The following DPF3 variants were observed in gnomAD, a reference collection of about 807,000 sequenced individuals.
DPF3 encodes zinc finger protein DPF3.
DPF3 carries 18 observed loss-of-function variants against 56.8 expected under a neutral mutation model. The observed-to-expected ratio is 0.32, with a 90% CI of 0.22 to 0.47. The LOEUF (loss-of-function observed/expected upper bound fraction) is 0.47. DPF3 is among the 20% of genes least tolerant of loss of function. DPF3 has a pLI of 1.00. For missense variants in DPF3, 403 were observed against 488.8 expected (o/e 0.82, Z 1.65); for synonymous variants, 188 against 180.2 (o/e 1.04, Z -0.35).
chr14:72,891,756 G>A (rs1886761770), intron 1 of DPF3, among the ~76,000 whole-genome samples: 3 of 152,158 alleles, frequency 2.0e-5, no homozygotes, highest in Middle Eastern at 3.4e-3. Context: ...GAAAGGGTCT[G>A]GGAAGCAGAA....
chr14:72,704,273 T>C (rs7140455), intron 6 of DPF3, among the ~76,000 whole-genome samples: 62,364 of 152,122 alleles, frequency 0.41, 14,008 homozygotes, highest in Non-Finnish European at 0.52. Context: ...CTGAATTCTC[T>C]TTTCAATTGT....
At chr14:72,667,590 T>C (rs866591728) in intron 8 of DPF3, among the ~76,000 whole-genome samples, 42 of 152,222 alleles carry the variant, frequency 2.8e-4, no homozygotes, top group African/African-American at 1.0e-3. Flanking sequence ...TGTTGACTGT[T>C]CACACAGCTC....
chr14:72,795,761 C>T (rs1314265809), intron 1 of DPF3, among the ~76,000 whole-genome samples: 3 of 152,156 alleles, frequency 2.0e-5, no homozygotes, highest in African/African-American at 7.2e-5. Flanking sequence ...GATCTAGAGA[C>T]ATGATCAAAA....
At chr14:72,819,753 A>G (rs893951880) in intron 1 of DPF3, among the ~76,000 whole-genome samples, 7 of 152,078 alleles carry the variant, frequency 4.6e-5, no homozygotes, top group African/African-American at 1.4e-4. Flanking sequence ...CCTGGGCAAC[A>G]TGGGAAAACC....
chr14:72,881,447 A>C (rs1259003059), intron 1 of DPF3, among the ~76,000 whole-genome samples: 1 of 152,128 alleles, frequency 6.6e-6, no homozygotes. Context: ...TAAGGCCAAC[A>C]CTGGGTATTC....
At chr14:72,857,791 G>A (rs1003839403) in intron 1 of DPF3, among the ~76,000 whole-genome samples, 1 of 152,044 alleles carries the variant, frequency 6.6e-6, no homozygotes, top group South Asian at 2.1e-4. Flanking sequence ...GTTTCACCAT[G>A]TTGGCCAGGA....
intron 7 of DPF3, among the ~76,000 whole-genome samples, chr14:72,686,884 A>C (rs1405702161): frequency 6.6e-6 from 1 of 152,152 alleles, no homozygotes. Flanking sequence ...TAAAATTTCT[A>C]AGCTTGTTTC....
At position 72,611,590 on chromosome 14, in the gene DPF3, G is replaced by C. The variant is rs536831985; in HGVS notation, c.*7707C>G. 2.6e-4 allele frequency among the ~76,000 whole-genome samples: 39 copies of C among 152,188 alleles called. No homozygotes were observed. The highest frequency in any genetic ancestry group is 8.4e-4 in the African/African-American group (35 of 41,524). On this transcript the variant is annotated 3_prime_UTR_variant, in exon 11 of 11. Transcript: ENST00000556509. ...GGGGTCATTTTCTGCCTCTGATCAG[G>C]CCCTGCCAGTTGCACCTCCCTGCCT...
At chr14:72,769,755 A>G (rs1356041533) in intron 2 of DPF3, among the ~76,000 whole-genome samples, 1 of 151,808 alleles carries the variant, frequency 6.6e-6, no homozygotes, top group Non-Finnish European at 1.5e-5. Context: ...GATAAGCCTC[A>G]TAAGAATAAT....
intron 3 of DPF3, among the ~76,000 whole-genome samples, chr14:72,735,533 A>G: frequency 6.6e-6 from 1 of 152,260 alleles, no homozygotes; most frequent in East Asian, 1.9e-4. Context: ...AAATGGAAAA[A>G]GCAAGAAGGG....
rs1883923768 is a variant in DPF3, at chr14:72,614,061, C to CA, written c.*5235dup. Among the ~76,000 whole-genome samples the CA allele has an allele frequency of 6.6e-6, 1 of 152,188 alleles. No individual in the cohort carries two copies. Among genetic ancestry groups the CA allele is most frequent in the African/African-American group, 2.4e-5 (1 of 41,432 alleles). ...GGGTTCCCAGCTCTCCAAGACCCAC[C>CA]ACCAGCTGCCCAAAGGCCTTGAACC... On this transcript the variant is annotated 3_prime_UTR_variant, in exon 11 of 11. Transcript: ENST00000556509.
At chr14:72,752,209 C>T (rs556948339) in intron 3 of DPF3, among the ~76,000 whole-genome samples, 3 of 152,300 alleles carry the variant, frequency 2.0e-5, no homozygotes, top group South Asian at 4.1e-4. Flanking sequence ...ACTCTACTTG[C>T]ACCACTGAAC....
intron 1 of DPF3, among the ~76,000 whole-genome samples, chr14:72,826,168 A>G (rs1328219877): frequency 7.2e-5 from 11 of 152,220 alleles, no homozygotes; most frequent in African/African-American, 2.7e-4. Context: ...AGCATGTCAG[A>G]TAATAAACCA....
At chr14:72,806,218 C>T (rs1882775407) in intron 1 of DPF3, among the ~76,000 whole-genome samples, 1 of 152,206 alleles carries the variant, frequency 6.6e-6, no homozygotes. Context: ...CATCCTTCCT[C>T]AGATGCTACT....
chr14:72,750,910 G>A (rs1323391798), intron 3 of DPF3, among the ~76,000 whole-genome samples: 1 of 151,388 alleles, frequency 6.6e-6, no homozygotes, highest in African/African-American at 2.4e-5. Context: ...ATATGTGACT[G>A]CCAGGCACAG....
At chr14:72,844,992 C>T (rs995091655) in intron 1 of DPF3, among the ~76,000 whole-genome samples, 1 of 152,124 alleles carries the variant, frequency 6.6e-6, no homozygotes, top group Non-Finnish European at 1.5e-5. Flanking sequence ...TGGTGGCACC[C>T]GTCTGTAGTT....
intron 1 of DPF3, among the ~76,000 whole-genome samples, chr14:72,840,458 G>T (rs1411245096): frequency 6.6e-6 from 1 of 152,104 alleles, no homozygotes; most frequent in African/African-American, 2.4e-5. Context: ...CACAGCCCCT[G>T]CCTTTCCAGG....
At chr14:72,871,565 C>A (rs1356083234) in intron 1 of DPF3, among the ~76,000 whole-genome samples, 1 of 152,254 alleles carries the variant, frequency 6.6e-6, no homozygotes, top group African/African-American at 2.4e-5. Context: ...CTCCAGGTCT[C>A]ACATCCAGGT....
At chr14:72,852,595 T>G (rs1470905990) in intron 1 of DPF3, among the ~76,000 whole-genome samples, 1 of 152,236 alleles carries the variant, frequency 6.6e-6, no homozygotes, top group Non-Finnish European at 1.5e-5. Flanking sequence ...TCGCCATGAT[T>G]GGCAATAAAC....
Sources: allele counts gnomAD v4.1 joint callset (sites outside exome capture counted in the v4.1 genomes callset), GRCh38; gene constraint gnomAD v4.1.1; transcripts MANE v1.5; gene names NCBI Gene and HGNC (gene_info 2026-07-23, HGNC 2026-07-21).